The following R3HDM1 variants were observed in gnomAD, a reference collection of about 807,000 sequenced individuals.
The protein encoded by R3HDM1 is R3H domain-containing protein 1.
Under a neutral mutation model 141.1 loss-of-function variants are expected in R3HDM1, and 46 were observed. That is an observed-to-expected ratio of 0.33 (90% CI 0.26 to 0.42). The LOEUF (loss-of-function observed/expected upper bound fraction) is 0.42, where lower values mean the gene tolerates loss of function less well. Ranked by LOEUF, R3HDM1 falls within the 10% of genes least tolerant of loss-of-function variation. R3HDM1 has a pLI of 1.00. For missense variants in R3HDM1, 1,184 were observed against 1,368.3 expected (o/e 0.87, Z 2.12); for synonymous variants, 435 against 472.9 (o/e 0.92, Z 1.04).
intron 1 of R3HDM1, among the ~76,000 whole-genome samples, chr2:135,551,506 G>A (rs1393818449): frequency 2.6e-5 from 4 of 152,084 alleles, no homozygotes; most frequent in Admixed American, 1.3e-4. Flanking sequence ...CAGTGCAACA[G>A]TCATCTAGAA....
intron 1 of R3HDM1, among the ~76,000 whole-genome samples, chr2:135,555,777 G>A (rs763986173): frequency 1.3e-5 from 2 of 152,160 alleles, no homozygotes; most frequent in Non-Finnish European, 2.9e-5. Context: ...TGTAATCCTA[G>A]CACTTTGAGA....
At chr2:135,614,989 A>G (rs1022371060) in intron 3 of R3HDM1, among the ~76,000 whole-genome samples, 1 of 152,170 alleles carries the variant, frequency 6.6e-6, no homozygotes. Flanking sequence ...AAGACCTCTT[A>G]GGTGGCACTG....
At chr2:135,674,451 T>A (rs568683558) in intron 19 of R3HDM1, among the ~76,000 whole-genome samples, 1 of 152,310 alleles carries the variant, frequency 6.6e-6, no homozygotes, top group Admixed American at 6.5e-5. Flanking sequence ...CTTTAAAAAA[T>A]AAAAAACTTT....
rs75472854 is a variant in R3HDM1, at chr2:135,568,805, G to A, written c.-249-33695G>A. The A allele has an allele frequency of 7.2e-5, 11 of 152,330 alleles. No individual in the cohort carries two copies. The East Asian group carries it at 1.9e-3, about 27-fold the overall frequency. 9.4% of individuals were successfully genotyped at this position (152,330 alleles called of 1,614,324 possible). ...AGAAAGGGATAAGGAGTCGTCACTT[G>A]GCCGGTAAGGGAAATAGACTCAAGT... On this transcript the variant is annotated intron_variant, in intron 1 of 26. Transcript: ENST00000683871.
At chr2:135,658,128 A>G (rs1200640594) in intron 18 of R3HDM1, among the ~76,000 whole-genome samples, 1 of 152,230 alleles carries the variant, frequency 6.6e-6, no homozygotes, top group Non-Finnish European at 1.5e-5. Context: ...TAGAAAAGGT[A>G]CAGTAAAAAT....
At chr2:135,614,798 C>G (rs576166847) in intron 3 of R3HDM1, among the ~76,000 whole-genome samples, 4 of 151,834 alleles carry the variant, frequency 2.6e-5, no homozygotes, top group Non-Finnish European at 5.9e-5. Context: ...TAGTATTCAC[C>G]TGTTGCTTTT....
chr2:135,645,489 C>G lies in R3HDM1; in HGVS notation c.1585C>G (p.Pro529Ala). 6.2e-7 allele frequency: 1 copy of G among 1,614,108 alleles called. No individual in the cohort carries two copies. Among genetic ancestry groups the G allele is most frequent in the Non-Finnish European group, 8.5e-7 (1 of 1,179,998 alleles). The change falls in exon 16 of 27, where the codon CCA becomes GCA. Residue 529 changes from proline (P) to alanine (A), a missense_variant. Coordinates refer to ENST00000683871, the MANE Select transcript of R3HDM1 (RefSeq NM_001378107.1). ...PGPPQPPLPA[P>A]PQQPAANHIF... Reference sequence around the variant, plus strand: ...ACCTCCACAGCCACCTCTGCCAGCCCCACCTCAACAACCAGCAGCTAATCA... The same window carrying G: ...ACCTCCACAGCCACCTCTGCCAGCCGCACCTCAACAACCAGCAGCTAATCA...
chr2:135,641,823 A>G (rs371852555), intron 15 of R3HDM1, 33 bp downstream of exon 15: 8 of 1,549,168 alleles, frequency 5.2e-6, no homozygotes, highest in African/African-American at 2.8e-5. Flanking sequence ...TTCAGGAATT[A>G]TCTGAAAATT....
intron 1 of R3HDM1, among the ~76,000 whole-genome samples, chr2:135,602,182 C>G (rs2059678703): frequency 6.6e-6 from 1 of 151,916 alleles, no homozygotes; most frequent in Non-Finnish European, 1.5e-5. Context: ...TGATTATGAT[C>G]TTTTTTCTCT....
chr2:135,569,495 T>A (rs1272624557), intron 1 of R3HDM1, among the ~76,000 whole-genome samples: 11 of 151,234 alleles, frequency 7.3e-5, no homozygotes, highest in Non-Finnish European at 5.9e-5. Flanking sequence ...AAAAAAAAAA[T>A]TCATAATCAC....
intron 21 of R3HDM1, among the ~76,000 whole-genome samples, chr2:135,692,548 C>A (rs553095935): frequency 4.7e-4 from 71 of 152,168 alleles, no homozygotes; most frequent in Non-Finnish European, 7.2e-4. Context: ...GCCAAGATCA[C>A]GCCATTGCAC....
intron 1 of R3HDM1, 23 bp from the exon 2 acceptor site, chr2:135,602,477 G>A (rs755216828): frequency 4.0e-6 from 5 of 1,247,824 alleles, no homozygotes; most frequent in Non-Finnish European, 5.1e-6. Context: ...TTGTTAAAAT[G>A]GTTTCTTTTG....
At chr2:135,723,913 G>T in intron 26 of R3HDM1, 24 bp from the exon 27 acceptor site, 1 of 1,566,296 alleles carries the variant, frequency 6.4e-7, no homozygotes, top group South Asian at 1.2e-5. Flanking sequence ...GGAATGTATT[G>T]ATTCTGTACC....
At chr2:135,568,383 C>G (rs985191730) in intron 1 of R3HDM1, among the ~76,000 whole-genome samples, 1 of 150,060 alleles carries the variant, frequency 6.7e-6, no homozygotes, top group Non-Finnish European at 1.5e-5. Context: ...GAGTTTTGCC[C>G]TTGTTGCCCA....
chr2:135,554,733 A>C (rs1342478547), intron 1 of R3HDM1, among the ~76,000 whole-genome samples: 1 of 152,206 alleles, frequency 6.6e-6, no homozygotes, highest in Non-Finnish European at 1.5e-5. Context: ...CCACATGAAC[A>C]TGAAAATGGC....
At chr2:135,609,405 A>T (rs1054491817) in intron 3 of R3HDM1, among the ~76,000 whole-genome samples, 2 of 152,242 alleles carry the variant, frequency 1.3e-5, no homozygotes, top group African/African-American at 4.8e-5. Context: ...TAACTGTCCC[A>T]CATAATTGCC....
chr2:135,712,062 C>G (rs1241511782), intron 23 of R3HDM1, among the ~76,000 whole-genome samples: 1 of 149,824 alleles, frequency 6.7e-6, no homozygotes, highest in Non-Finnish European at 1.5e-5. Flanking sequence ...GCTTTAAATA[C>G]TTCAGGAAAA....
intron 1 of R3HDM1, among the ~76,000 whole-genome samples, chr2:135,563,105 C>T (rs1475247872): frequency 1.3e-5 from 2 of 152,090 alleles, no homozygotes; most frequent in Non-Finnish European, 2.9e-5. Flanking sequence ...TTTCATTTGG[C>T]TGATAACCTA....
intron 3 of R3HDM1, among the ~76,000 whole-genome samples, chr2:135,612,550 G>GA (rs1485317130): frequency 6.6e-6 from 1 of 151,998 alleles, no homozygotes; most frequent in Non-Finnish European, 1.5e-5. Context: ...ATTTCAAACT[G>GA]AAATTCTATT....
Sources: gnomAD v4.1 joint callset for allele counts (sites outside exome capture counted in the v4.1 genomes callset) on GRCh38, gnomAD v4.1.1 for gene constraint, MANE v1.5 for transcripts, NCBI Gene and HGNC (gene_info 2026-07-23, HGNC 2026-07-21) for gene names.